DYNC2H1: variants seen among roughly 807,000 people sequenced by gnomAD.
DYNC2H1 encodes dynein cytoplasmic 2 heavy chain 1.
Under a neutral mutation model 570.0 loss-of-function variants are expected in DYNC2H1, and 410 were observed. The ratio of observed to expected loss-of-function variants is 0.72; its 90% CI spans 0.66 to 0.78. DYNC2H1 has a LOEUF of 0.78. DYNC2H1 is among the 30% of genes least tolerant of loss of function. The pLI is 0.00. For synonymous variants in DYNC2H1, 1,688 were observed against 1,677.6 expected (o/e 1.01, Z -0.15); for missense variants, 4,865 against 5,046.4 (o/e 0.96, Z 1.09).
intron 73 of DYNC2H1, among the ~76,000 whole-genome samples, chr11:103,283,674 T>G (rs1866233318): frequency 6.6e-6 from 1 of 152,178 alleles, no homozygotes; most frequent in African/African-American, 2.4e-5. Context: ...ATTTTCCTTG[T>G]GTCACAGATG....
intron 82 of DYNC2H1, among the ~76,000 whole-genome samples, chr11:103,336,499 C>G (rs960297113): frequency 3.3e-5 from 5 of 151,262 alleles, no homozygotes; most frequent in Non-Finnish European, 7.4e-5. Flanking sequence ...TTATTCTACT[C>G]TCCTACCTCC....
chr11:103,120,201 C>T (rs1858629034), intron 6 of DYNC2H1, among the ~76,000 whole-genome samples: 1 of 151,930 alleles, frequency 6.6e-6, no homozygotes, highest in Non-Finnish European at 1.5e-5. Flanking sequence ...ATGTTTAGGT[C>T]TTATATATTC....
chr11:103,240,647 C>T (rs1446747308), intron 63 of DYNC2H1, among the ~76,000 whole-genome samples: 1 of 152,088 alleles, frequency 6.6e-6, no homozygotes, highest in African/African-American at 2.4e-5. Flanking sequence ...TTAATCACTT[C>T]CATTGCCAGT....
intron 75 of DYNC2H1, among the ~76,000 whole-genome samples, chr11:103,294,784 C>T (rs951926504): frequency 6.6e-6 from 1 of 152,020 alleles, no homozygotes. Flanking sequence ...CTTTAGTCAG[C>T]AGGTTATAAG....
chr11:103,412,710 T>G (rs1369263432), intron 84 of DYNC2H1, among the ~76,000 whole-genome samples: 13 of 152,196 alleles, frequency 8.5e-5, no homozygotes, highest in Admixed American at 3.9e-4. Flanking sequence ...TTAATAATTT[T>G]CAAAACTGTT....
At chr11:103,301,053 G>A (rs1471425721) in intron 75 of DYNC2H1, among the ~76,000 whole-genome samples, 1 of 151,772 alleles carries the variant, frequency 6.6e-6, no homozygotes, top group Non-Finnish European at 1.5e-5. Context: ...CATTGTTAAC[G>A]TTTCTATGTA....
intron 82 of DYNC2H1, among the ~76,000 whole-genome samples, chr11:103,333,930 G>A (rs1670750140): frequency 6.6e-6 from 1 of 151,950 alleles, no homozygotes; most frequent in Non-Finnish European, 1.5e-5. Flanking sequence ...TAATATCATG[G>A]TTTTATTTAG....
chr11:103,376,109 G>T (rs1227540436), intron 83 of DYNC2H1, among the ~76,000 whole-genome samples: 1 of 152,154 alleles, frequency 6.6e-6, no homozygotes, highest in African/African-American at 2.4e-5. Context: ...TAAGCGTCTG[G>T]CATTTCCCCT....
intron 83 of DYNC2H1, among the ~76,000 whole-genome samples, chr11:103,372,862 A>G (rs185833118): frequency 1.3e-5 from 2 of 152,302 alleles, no homozygotes; most frequent in Admixed American, 1.3e-4. Context: ...CAGTGAAGTC[A>G]TCAGGTCCTG....
chr11:103,427,567 A>T (rs573231324), intron 84 of DYNC2H1, among the ~76,000 whole-genome samples: 1 of 152,258 alleles, frequency 6.6e-6, no homozygotes, highest in South Asian at 2.1e-4. Context: ...CATTTCTCAC[A>T]GTTCTGAAAG....
intron 70 of DYNC2H1, among the ~76,000 whole-genome samples, chr11:103,260,922 AT>A (rs5794217): frequency 0.13 from 18,838 of 146,740 alleles, 1,448 homozygotes; most frequent in African/African-American, 0.23. Context: ...CCCAGCCAGA[AT>A]TTTTTTTTTT....
intron 3 of DYNC2H1, 65 bp from the exon 4 acceptor site, chr11:103,115,112 G>A (rs1858311374): frequency 1.6e-6 from 2 of 1,245,710 alleles, no homozygotes; most frequent in Non-Finnish European, 2.3e-6. Context: ...CTGCTCTGCT[G>A]TTTTGTATTC....
chr11:103,197,675 T>G (rs1487547696), intron 47 of DYNC2H1, among the ~76,000 whole-genome samples: 2 of 152,178 alleles, frequency 1.3e-5, no homozygotes, highest in African/African-American at 4.8e-5. Context: ...CTTGACCTCC[T>G]GAGCTGAAGT....
chr11:103,207,767 T>C (rs613236), intron 52 of DYNC2H1, among the ~76,000 whole-genome samples: 141,641 of 152,190 alleles, frequency 0.93, 65,937 homozygotes, highest in African/African-American at 0.94. Flanking sequence ...CATAGGTGCT[T>C]TGATGGATGC....
At chr11:103,188,079 T>C (rs569076919) in intron 43 of DYNC2H1, among the ~76,000 whole-genome samples, 2 of 152,126 alleles carry the variant, frequency 1.3e-5, no homozygotes, top group Non-Finnish European at 2.9e-5. Flanking sequence ...CATTAGAAGC[T>C]ATAAATTCTT....
chr11:103,139,835 A>C (rs938590248), intron 17 of DYNC2H1, among the ~76,000 whole-genome samples: 1 of 151,982 alleles, frequency 6.6e-6, no homozygotes, highest in African/African-American at 2.4e-5. Flanking sequence ...TTCCATTATT[A>C]TTGTGTGGGA....
chr11:103,218,882 ACT>A (rs762710660), intron 55 of DYNC2H1, among the ~76,000 whole-genome samples: 39 of 152,232 alleles, frequency 2.6e-4, no homozygotes, highest in Non-Finnish European at 4.4e-4. Flanking sequence ...TGTAGAAAGC[ACT>A]GTCTGAAGAG....
chr11:103,358,421 C>T, intron 83 of DYNC2H1, 62 bp downstream of exon 83: 2 of 1,150,670 alleles, frequency 1.7e-6, no homozygotes, highest in African/African-American at 1.5e-5. Context: ...ACCATGTGCT[C>T]CCCATTTCTG....
intron 47 of DYNC2H1, 143 bp from the exon 48 acceptor site, chr11:103,197,790 C>T: frequency 1.1e-6 from 1 of 897,656 alleles, no homozygotes; most frequent in Non-Finnish European, 1.7e-6. Flanking sequence ...TTACAATGTA[C>T]ACTTTAAAGT....
Sources: allele counts gnomAD v4.1 joint callset (sites outside exome capture counted in the v4.1 genomes callset), GRCh38; gene constraint gnomAD v4.1.1; transcripts MANE v1.5; gene names NCBI Gene and HGNC (gene_info 2026-07-23, HGNC 2026-07-21).